Variants in KHDRBS2 observed in about 807,000 individuals in gnomAD.
The protein encoded by KHDRBS2 is KH domain-containing, RNA-binding, signal transduction-associated protein 2.
KHDRBS2 carries 26 observed loss-of-function variants against 44.3 expected under a neutral mutation model. The ratio of observed to expected loss-of-function variants is 0.59; its 90% CI spans 0.43 to 0.81. The LOEUF (loss-of-function observed/expected upper bound fraction) is 0.81. Ranked by LOEUF, KHDRBS2 falls within the 40% of genes least tolerant of loss-of-function variation. The probability of loss-of-function intolerance (pLI) is 0.00; values close to 1 mark genes in which losing one functional copy is unlikely to be tolerated. For synonymous variants in KHDRBS2, 194 were observed against 151.1 expected, an observed-to-expected ratio of 1.28 and a Z score of -2.08; for missense variants, 476 against 433.1, an observed-to-expected ratio of 1.10 and a Z score of -0.88.
At chr6:61,862,073 G>T (rs1344135608) in intron 6 of KHDRBS2, among the ~76,000 whole-genome samples, 1 of 152,052 alleles carries the variant, frequency 6.6e-6, no homozygotes, top group Non-Finnish European at 1.5e-5. Flanking sequence ...TATATACTGA[G>T]ATTTTGCTAA....
chr6:61,806,319 T>G (rs1787155771), intron 6 of KHDRBS2, among the ~76,000 whole-genome samples: 3 of 152,132 alleles, frequency 2.0e-5, no homozygotes, highest in Admixed American at 2.0e-4. Flanking sequence ...TTGGGACCAC[T>G]ATGGCATGAA....
chr6:61,813,065 A>G (rs1002061833), intron 6 of KHDRBS2, among the ~76,000 whole-genome samples: 1 of 152,174 alleles, frequency 6.6e-6, no homozygotes, highest in Non-Finnish European at 1.5e-5. Context: ...GTAAATGTGT[A>G]TATGTAAATT....
At chr6:61,869,010 G>A (rs1457608364) in intron 6 of KHDRBS2, among the ~76,000 whole-genome samples, 2 of 152,168 alleles carry the variant, frequency 1.3e-5, no homozygotes, top group African/African-American at 4.8e-5. Flanking sequence ...AGGGTTGCAA[G>A]GATCCATGGG....
chr6:62,061,157 C>A (rs576048512), intron 2 of KHDRBS2, among the ~76,000 whole-genome samples: 4 of 151,802 alleles, frequency 2.6e-5, no homozygotes, highest in African/African-American at 7.2e-5. Context: ...TTAATTGGAG[C>A]ATTTAGTCCA....
At chr6:61,859,773 T>C (rs1201835917) in intron 6 of KHDRBS2, among the ~76,000 whole-genome samples, 4 of 151,964 alleles carry the variant, frequency 2.6e-5, no homozygotes, top group African/African-American at 9.7e-5. Flanking sequence ...TTAACATATG[T>C]ATATAAATAG....
intron 3 of KHDRBS2, among the ~76,000 whole-genome samples, chr6:62,036,366 G>GA (rs1785286289): frequency 6.6e-6 from 1 of 151,886 alleles, no homozygotes. Context: ...TTTAGAAAGG[G>GA]AAAAATAGAT....
chr6:62,282,194 T>C (rs1188603400), intron 1 of KHDRBS2, among the ~76,000 whole-genome samples: 2 of 152,198 alleles, frequency 1.3e-5, no homozygotes, highest in Admixed American at 1.3e-4. Flanking sequence ...TGTAGTTAAC[T>C]CACAAGTTTG....
chr6:61,786,060 CAT>C (rs1289134786), intron 6 of KHDRBS2, among the ~76,000 whole-genome samples: 5 of 152,006 alleles, frequency 3.3e-5, no homozygotes, highest in African/African-American at 1.2e-4. Context: ...CACACACACA[CAT>C]AGTTCCCTGA....
chr6:61,546,064 T>C, the KHDRBS2 span, among the ~76,000 whole-genome samples: 1 of 152,120 alleles, frequency 6.6e-6, no homozygotes, highest in Admixed American at 6.6e-5. Flanking sequence ...TCTCTAAATA[T>C]TTCTTCTTTT....
Position 61,767,480 on chromosome 6 carries a change from G to A in KHDRBS2, c.811-34716C>T, listed in dbSNP as rs150967489. On this transcript the variant is annotated intron_variant, in intron 6 of 8. Coordinates refer to ENST00000281156, the MANE Select transcript of KHDRBS2 (RefSeq NM_152688.4). ...TTCAATATTATTATTGATAAGTAAG[G>A]ATTTACTCCTAATTTGTTTTTGGTT... Among the ~76,000 whole-genome samples the A allele has an allele frequency of 1.9e-3, 288 of 152,038 alleles. 1 individual carries two copies. The highest frequency in any genetic ancestry group is 8.7e-3 in the South Asian group (42 of 4,820).
At chr6:61,585,892 C>T in the KHDRBS2 span, among the ~76,000 whole-genome samples, 1 of 152,048 alleles carries the variant, frequency 6.6e-6, no homozygotes, top group East Asian at 1.9e-4. Context: ...TTAGACTGAA[C>T]CCCAGATCTC....
At chr6:62,018,655 A>G (rs181744544) in intron 3 of KHDRBS2, among the ~76,000 whole-genome samples, 1 of 152,220 alleles carries the variant, frequency 6.6e-6, no homozygotes, top group African/African-American at 2.4e-5. Flanking sequence ...CAATATTACT[A>G]AAAAGGAGCA....
intron 1 of KHDRBS2, among the ~76,000 whole-genome samples, chr6:62,192,604 A>G (rs1284312369): frequency 6.6e-6 from 1 of 152,062 alleles, no homozygotes; most frequent in Non-Finnish European, 1.5e-5. Context: ...TGTGTTTAAA[A>G]CTCAATTTTC....
intron 3 of KHDRBS2, among the ~76,000 whole-genome samples, chr6:62,002,097 G>A (rs955697205): frequency 2.6e-5 from 4 of 151,826 alleles, no homozygotes; most frequent in African/African-American, 9.7e-5. Context: ...ATTACCTTGA[G>A]TAATCAGAAA....
chr6:61,650,537 G>T, the KHDRBS2 span, among the ~76,000 whole-genome samples: 1 of 151,758 alleles, frequency 6.6e-6, no homozygotes, highest in African/African-American at 2.4e-5. Context: ...GATGGGAAAG[G>T]TCTCTCTTTT....
intron 1 of KHDRBS2, among the ~76,000 whole-genome samples, chr6:62,269,957 T>C (rs1434696112): frequency 6.6e-6 from 1 of 152,108 alleles, no homozygotes; most frequent in Non-Finnish European, 1.5e-5. Context: ...AAGGATATAC[T>C]GAACCTAAGA....
At chr6:62,231,403 A>G (rs1288299524) in intron 1 of KHDRBS2, among the ~76,000 whole-genome samples, 1 of 152,142 alleles carries the variant, frequency 6.6e-6, no homozygotes, top group African/African-American at 2.4e-5. Context: ...AAATCATCAG[A>G]TCTCATGAGA....
intron 4 of KHDRBS2, among the ~76,000 whole-genome samples, chr6:61,910,879 A>T (rs1805930061): frequency 6.6e-6 from 1 of 152,232 alleles, no homozygotes. Context: ...ACTTTTTTCA[A>T]TAAATTTTCT....
intron 3 of KHDRBS2, among the ~76,000 whole-genome samples, chr6:62,009,170 G>T (rs1394077756): frequency 1.3e-5 from 2 of 152,206 alleles, no homozygotes; most frequent in African/African-American, 2.4e-5. Context: ...GTCTGAGGTG[G>T]TCTCAGATGG....
Sources: allele counts gnomAD v4.1 joint callset (sites outside exome capture counted in the v4.1 genomes callset), GRCh38; gene constraint gnomAD v4.1.1; transcripts MANE v1.5; gene names NCBI Gene and HGNC (gene_info 2026-07-23, HGNC 2026-07-21).